Variants in RBKS observed in about 807,000 individuals in gnomAD.
The protein encoded by RBKS is ribokinase.
In RBKS, 33 loss-of-function variants were observed where a neutral mutation model predicts 33.9. The ratio of observed to expected loss-of-function variants is 0.97; its 90% CI spans 0.74 to 1.30. The LOEUF (loss-of-function observed/expected upper bound fraction) is 1.30, where lower values mean the gene tolerates loss of function less well. Among genes scored for constraint, RBKS ranks in the 50% most tolerant of loss-of-function variants. RBKS has a pLI of 0.00. For missense variants in RBKS, 361 were observed against 392.6 expected (o/e 0.92, Z 0.68); for synonymous variants, 125 against 143.0 (o/e 0.87, Z 0.90).
chr2:27,818,504 C>A (rs999795659), intron 7 of RBKS, among the ~76,000 whole-genome samples: 1 of 152,158 alleles, frequency 6.6e-6, no homozygotes, highest in Admixed American at 6.5e-5. Context: ...GGCAGACCGA[C>A]CAACTTAAAA....
At position 27,788,252 on chromosome 2, in the gene RBKS, A is replaced by G. The variant is rs537094941; in HGVS notation, c.796-6464T>C. On this transcript the variant is annotated intron_variant, in intron 7 of 7. Transcript: ENST00000302188. ...TAGCCAGTGCAAAAGGACAGGGGAAAAAAAAGAAAGAAAAGGCATACAGAT... is the reference window on the plus strand; with the variant it reads ...TAGCCAGTGCAAAAGGACAGGGGAAGAAAAAGAAAGAAAAGGCATACAGAT... Among the ~76,000 whole-genome samples the G allele has an allele frequency of 2.0e-5, 3 of 152,356 alleles. No individual in the cohort carries two copies. The East Asian group carries it at 5.8e-4, about 29-fold the overall frequency.
At chr2:27,826,976 A>G (rs1420707749) in intron 7 of RBKS, among the ~76,000 whole-genome samples, 1 of 148,698 alleles carries the variant, frequency 6.7e-6, no homozygotes, top group African/African-American at 2.5e-5. Flanking sequence ...TACTTGTCTC[A>G]CAGAATTGTT....
chr2:27,888,424 G>T (rs1237015402), intron 1 of RBKS, among the ~76,000 whole-genome samples: 1 of 152,116 alleles, frequency 6.6e-6, no homozygotes, highest in Non-Finnish European at 1.5e-5. Flanking sequence ...ACTGCGCCCG[G>T]TCCACTTTAG....
chr2:27,845,754 G>A (rs528594289), intron 4 of RBKS, among the ~76,000 whole-genome samples: 130 of 152,280 alleles, frequency 8.5e-4, no homozygotes, highest in African/African-American at 3.1e-3. Flanking sequence ...AAATGATGCT[G>A]CAAAGCTGCA....
At chr2:27,875,856 C>CGT (rs1664305490) in intron 1 of RBKS, among the ~76,000 whole-genome samples, 1 of 151,956 alleles carries the variant, frequency 6.6e-6, no homozygotes, top group South Asian at 2.1e-4. Flanking sequence ...CTTGCACAAA[C>CGT]GTATACTTAG....
Position 27,781,758 on chromosome 2 carries a change from C to G in RBKS, c.826G>C (p.Ala276Pro), listed in dbSNP as rs1341862266. ...GAGDSFVGAL[A>P]FYLAYYPNLS... ...TTTGGATAGTAAGCCAGGTAGAAGG[C>G]CAGAGCTCCCACAAAGCTGTCACCA... The change falls in exon 8 of 8, where the codon GCC (alanine) becomes CCC (proline). Residue 276 changes from alanine to proline, a missense_variant. Coordinates refer to ENST00000302188, the MANE Select transcript of RBKS (RefSeq NM_022128.3). 10 of 1,613,320 alleles carry G rather than the reference C, an allele frequency of 6.2e-6. No homozygotes were observed. In the East Asian group the frequency reaches 2.2e-4, roughly 36 times the overall value.
At chr2:27,847,884 C>T in intron 3 of RBKS, 150 bp downstream of exon 3, 1 of 615,414 alleles carries the variant, frequency 1.6e-6, no homozygotes, top group Non-Finnish European at 2.9e-6. Context: ...AACCCAAGGA[C>T]ATTTAAGCAA....
At chr2:27,839,622 A>G (rs1663429536) in intron 5 of RBKS, among the ~76,000 whole-genome samples, 2 of 152,222 alleles carry the variant, frequency 1.3e-5, no homozygotes, top group Non-Finnish European at 1.5e-5. Context: ...TAGTTATGCA[A>G]TGTGCTTAAT....
At chr2:27,832,504 T>C (rs1558544504) in intron 6 of RBKS, among the ~76,000 whole-genome samples, 182 bp downstream of exon 6, 1 of 152,114 alleles carries the variant, frequency 6.6e-6, no homozygotes, top group Non-Finnish European at 1.5e-5. Flanking sequence ...GAGAATCCTT[T>C]TTTCCCCCCT....
intron 7 of RBKS, among the ~76,000 whole-genome samples, chr2:27,784,033 G>GA (rs1238389226): frequency 1.9e-5 from 2 of 103,590 alleles, no homozygotes; most frequent in East Asian, 5.8e-4. Context: ...GCCCAGGCTG[G>GA]AGTGCAGTGG....
rs540814567 is a variant in RBKS at position 27,810,563 on chromosome 2, GT to G, written c.795+17003del. Among the ~76,000 whole-genome samples, 1 of 152,302 alleles carries G rather than the reference GT, an allele frequency of 6.6e-6. No homozygotes were observed. Among genetic ancestry groups the G allele is most frequent in the South Asian group, 2.1e-4 (1 of 4,812 alleles). Reference sequence around the variant, plus strand: ...CAGGAACTCTTTCTAGTGGGAGTAGGTTTTAGCCTTTATGTGAGTCGGAGTA... The same window carrying G: ...CAGGAACTCTTTCTAGTGGGAGTAGGTTTAGCCTTTATGTGAGTCGGAGTA... On this transcript the variant is annotated intron_variant, in intron 7 of 7. Transcript: ENST00000302188. This position sits in a 1 kb window ranked among gnomAD's most constrained non-coding sequence, Gnocchi z 4.4.
intron 7 of RBKS, among the ~76,000 whole-genome samples, chr2:27,801,573 C>T (rs576834331): frequency 6.6e-6 from 1 of 151,350 alleles, no homozygotes; most frequent in Non-Finnish European, 1.5e-5. Flanking sequence ...GAAAGTGATA[C>T]ATATTCAGTA....
At chr2:27,867,767 G>T (rs1206374825) in intron 1 of RBKS, among the ~76,000 whole-genome samples, 3 of 152,198 alleles carry the variant, frequency 2.0e-5, no homozygotes, top group Non-Finnish European at 4.4e-5. Flanking sequence ...CAAGAGGCAA[G>T]GGCAGGCAAA....
chr2:27,850,524 T>C lies in RBKS; in HGVS notation c.223-2427A>G, dbSNP rs529613915. 7.9e-5 allele frequency among the ~76,000 whole-genome samples: 12 copies of C among 152,368 alleles called. No individual in the cohort carries two copies. In the South Asian group the frequency reaches 2.3e-3, roughly 29 times the overall value. On this transcript the variant is annotated intron_variant, in intron 2 of 7. Transcript: ENST00000302188. ...GCCTCTGGCAACCACTAATCTTTTG[T>C]CTCCATAGTTTTGCCTTTTCCAGAA...
chr2:27,822,959 T>G (rs143606918), intron 7 of RBKS, among the ~76,000 whole-genome samples: 117 of 152,316 alleles, frequency 7.7e-4, no homozygotes, highest in African/African-American at 2.5e-3. Flanking sequence ...ATGTCAAGAA[T>G]TTCAGTGCTT....
intron 1 of RBKS, among the ~76,000 whole-genome samples, chr2:27,873,707 AG>A (rs1664259145): frequency 6.6e-6 from 1 of 152,202 alleles, no homozygotes; most frequent in Non-Finnish European, 1.5e-5. Context: ...TAATTTTTAA[AG>A]GGTACTTAAA....
intron 7 of RBKS, among the ~76,000 whole-genome samples, chr2:27,799,240 C>T (rs891070632): frequency 6.6e-6 from 1 of 152,124 alleles, no homozygotes; most frequent in African/African-American, 2.4e-5. Context: ...TGGGAAAAAC[C>T]CCCAAGTGAT....
chr2:27,791,129 T>C (rs796079941), intron 7 of RBKS, among the ~76,000 whole-genome samples: 25 of 152,288 alleles, frequency 1.6e-4, no homozygotes, highest in African/African-American at 5.5e-4. Context: ...CATGGATGAA[T>C]CTCAAAAGAA....
intron 5 of RBKS, among the ~76,000 whole-genome samples, chr2:27,839,612 T>C (rs1400169132): frequency 6.6e-6 from 1 of 152,214 alleles, no homozygotes; most frequent in Non-Finnish European, 1.5e-5. Context: ...TAGCATAATC[T>C]AGTTATGCAA....
Sources: allele counts gnomAD v4.1 joint callset (sites outside exome capture counted in the v4.1 genomes callset), GRCh38; gene constraint gnomAD v4.1.1; non-coding constraint Gnocchi (gnomAD v3.1); transcripts MANE v1.5; gene names NCBI Gene and HGNC (gene_info 2026-07-23, HGNC 2026-07-21).